Variants in MAN1A2 observed in about 807,000 individuals in gnomAD.
MAN1A2 encodes the protein mannosidase alpha class 1A member 2.
A neutral mutation model predicts 75.7 loss-of-function variants in MAN1A2; 26 were observed. That is an observed-to-expected ratio of 0.34 (90% CI 0.25 to 0.48). The LOEUF is 0.48. MAN1A2 is among the 20% of genes least tolerant of loss of function. The pLI is 0.99. For synonymous variants in MAN1A2, 247 were observed against 264.6 expected, an observed-to-expected ratio of 0.93 and a Z score of 0.65; for missense variants, 562 against 775.5, an observed-to-expected ratio of 0.72 and a Z score of 3.27.
Position 117,528,500 on chromosome 1 carries a change from T to C in MAN1A2, c.*5543T>C, listed in dbSNP as rs1652088190. On this transcript the variant is annotated 3_prime_UTR_variant, in exon 13 of 13. Transcript: ENST00000356554. ...GCAGAGGATTTTAAATAATTGCAAA[T>C]GTCTTGTGGCTGTTTTATTTCTACA... 6.6e-6 allele frequency: 1 copy of C among 152,100 alleles called. No individual in the cohort carries two copies. The highest frequency in any genetic ancestry group is 2.1e-4 in the South Asian group (1 of 4,824). The allele number at this position is 152,100 out of a possible 1,614,324, so 9.4% of individuals were successfully genotyped here. A position where few individuals can be genotyped will look rare whatever the true frequency, so the allele number is the denominator to read the frequency against.
intron 1 of MAN1A2, among the ~76,000 whole-genome samples, chr1:117,385,974 C>G (rs1296072475): frequency 6.6e-6 from 1 of 152,072 alleles, no homozygotes; most frequent in East Asian, 1.9e-4. Flanking sequence ...AAATTGAGTC[C>G]TTGTTTCTTT....
intron 12 of MAN1A2, among the ~76,000 whole-genome samples, chr1:117,512,750 T>TACACACACACACACAC (rs3050979): frequency 0.022 from 3,175 of 143,774 alleles, 63 homozygotes; most frequent in African/African-American, 0.034. Flanking sequence ...GGCACTGGGA[T>TACACACACACACACAC]ACACACACAC....
chr1:117,457,752 A>G (rs75365725), intron 6 of MAN1A2, among the ~76,000 whole-genome samples: 20,974 of 152,072 alleles, frequency 0.14, 1,652 homozygotes, highest in Admixed American at 0.22. Context: ...CTTAAGTATT[A>G]TGTTATAATC....
rs905426383 is a variant in MAN1A2, at chr1:117,420,710, T to C, written c.855+61T>C. 6 of 1,210,814 alleles carry C rather than the reference T, an allele frequency of 5.0e-6. No individual in the cohort carries two copies. In the African/African-American group the frequency reaches 7.5e-5, roughly 15 times the overall value. 75.0% of individuals were successfully genotyped at this position (1,210,814 alleles called of 1,614,324 possible). A position where few individuals can be genotyped will look rare whatever the true frequency, so the allele number is the denominator to read the frequency against. On this transcript the variant is annotated intron_variant, in intron 5 of 12. Coordinates refer to ENST00000356554, the MANE Select transcript of MAN1A2 (RefSeq NM_006699.5). ...AGGGGAGGGTTGGAATTTAATAAAA[T>C]GAACAATTTCCCTAGAAGCATATTA...
chr1:117,437,470 C>T (rs569189227), intron 5 of MAN1A2, among the ~76,000 whole-genome samples: 6 of 152,150 alleles, frequency 3.9e-5, no homozygotes, highest in Non-Finnish European at 8.8e-5. Context: ...GAGGTATACA[C>T]ATCAATTAAT....
intron 8 of MAN1A2, among the ~76,000 whole-genome samples, chr1:117,489,818 T>C (rs1650824763): frequency 6.6e-6 from 1 of 152,138 alleles, no homozygotes; most frequent in South Asian, 2.1e-4. Context: ...ATATGCTTTT[T>C]CTTTCCCATA....
At chr1:117,404,700 TAGG>T (rs1647558335) in intron 2 of MAN1A2, among the ~76,000 whole-genome samples, 1 of 152,166 alleles carries the variant, frequency 6.6e-6, no homozygotes, top group African/African-American at 2.4e-5. Flanking sequence ...TCACTTTGTT[TAGG>T]GCAGGGGTTG....
At chr1:117,460,820 A>G (rs1263301985) in intron 7 of MAN1A2, among the ~76,000 whole-genome samples, 1 of 152,198 alleles carries the variant, frequency 6.6e-6, no homozygotes, top group Non-Finnish European at 1.5e-5. Context: ...GAGAAGTTAT[A>G]ACCACTGTTA....
chr1:117,370,296 G>A (rs1245168039), intron 1 of MAN1A2, among the ~76,000 whole-genome samples: 1 of 152,170 alleles, frequency 6.6e-6, no homozygotes, highest in Non-Finnish European at 1.5e-5. Context: ...GTTTTGGCTA[G>A]TAAGAGTCTG....
chr1:117,368,636 C>A, intron 1 of MAN1A2, 151 bp downstream of exon 1: 1 of 706,404 alleles, frequency 1.4e-6, no homozygotes. Flanking sequence ...TGAATAAAAC[C>A]ATAGACTGGA....
At chr1:117,437,030 C>T (rs182576985) in intron 5 of MAN1A2, among the ~76,000 whole-genome samples, 6 of 152,280 alleles carry the variant, frequency 3.9e-5, no homozygotes, top group Admixed American at 2.0e-4. Flanking sequence ...TGTTAACCCT[C>T]AGTTTTGCAG....
chr1:117,505,481 A>C (rs1400893100), intron 12 of MAN1A2, among the ~76,000 whole-genome samples: 1 of 150,710 alleles, frequency 6.6e-6, no homozygotes, highest in African/African-American at 2.4e-5. Context: ...ATATCTATCT[A>C]TATATATATA....
intron 4 of MAN1A2, among the ~76,000 whole-genome samples, chr1:117,417,557 A>ATG (rs1553232797): frequency 7.1e-6 from 1 of 140,746 alleles, no homozygotes; most frequent in Non-Finnish European, 1.5e-5. Context: ...ATATATATAT[A>ATG]TGTGATATAT....
At chr1:117,449,836 G>A (rs1228660849) in intron 6 of MAN1A2, among the ~76,000 whole-genome samples, 1 of 152,184 alleles carries the variant, frequency 6.6e-6, no homozygotes, top group Non-Finnish European at 1.5e-5. Context: ...CTAATGCAGA[G>A]GAAGGCCCTA....
chr1:117,481,446 C>G (rs1650494974), intron 8 of MAN1A2, among the ~76,000 whole-genome samples: 1 of 151,964 alleles, frequency 6.6e-6, no homozygotes, highest in African/African-American at 2.4e-5. Context: ...GTCCTATAGA[C>G]TAGTCCAAAA....
intron 6 of MAN1A2, among the ~76,000 whole-genome samples, chr1:117,445,115 T>C (rs1367940488): frequency 2.6e-5 from 4 of 152,186 alleles, no homozygotes; most frequent in African/African-American, 4.8e-5. Context: ...TTTCCATCTA[T>C]GGAGATAATC....
At chr1:117,521,478 C>A (rs1340506995) in intron 12 of MAN1A2, among the ~76,000 whole-genome samples, 1 of 151,902 alleles carries the variant, frequency 6.6e-6, no homozygotes, top group African/African-American at 2.4e-5. Flanking sequence ...CATTGCGACA[C>A]CACCTTACAC....
Position 117,489,064 on chromosome 1 carries a change from G to T in MAN1A2, c.1169-4083G>T, listed in dbSNP as rs74908706. Among the ~76,000 whole-genome samples, 41 of 152,108 alleles carry T rather than the reference G, an allele frequency of 2.7e-4. No homozygotes were observed. In the East Asian group the frequency reaches 6.4e-3, roughly 24 times the overall value. ...CTCAACAGCATATAATAGATATCTT[G>T]CAGTGTTGGATTATAGATTCACCCT... On this transcript the variant is annotated intron_variant, in intron 8 of 12. Transcript: ENST00000356554.
At chr1:117,484,314 G>T (rs1428781583) in intron 8 of MAN1A2, among the ~76,000 whole-genome samples, 1 of 151,920 alleles carries the variant, frequency 6.6e-6, no homozygotes, top group Non-Finnish European at 1.5e-5. Flanking sequence ...TGAATAGTCT[G>T]TGTCAAATGG....
Sources: allele counts gnomAD v4.1 joint callset (sites outside exome capture counted in the v4.1 genomes callset), GRCh38; gene constraint gnomAD v4.1.1; transcripts MANE v1.5; gene names NCBI Gene and HGNC (gene_info 2026-07-23, HGNC 2026-07-21).